Variants in SHISA6 observed in about 807,000 individuals in gnomAD.
SHISA6 encodes shisa family member 6.
SHISA6 carries 22 observed loss-of-function variants against 47.9 expected under a neutral mutation model. That is an observed-to-expected ratio of 0.46 (90% CI 0.33 to 0.66). SHISA6 has a LOEUF of 0.66. Among genes scored for constraint, SHISA6 ranks in the 30% least tolerant of loss-of-function variants. The pLI, the probability that SHISA6 is intolerant of heterozygous loss-of-function variation, is 0.02. For synonymous variants in SHISA6, 388 were observed against 337.8 expected (o/e 1.15, Z -1.63); for missense variants, 680 against 764.6 (o/e 0.89, Z 1.30).
intron 1 of SHISA6, among the ~76,000 whole-genome samples, chr17:11,258,078 A>C (rs1051478863): frequency 4.6e-5 from 7 of 152,258 alleles, no homozygotes; most frequent in African/African-American, 1.7e-4. Context: ...GAGTGTTCTC[A>C]TTAGTCCTTA....
At chr17:11,470,718 T>A (rs1462215622) in intron 3 of SHISA6, among the ~76,000 whole-genome samples, 2 of 47,428 alleles carry the variant, frequency 4.2e-5, no homozygotes, top group Non-Finnish European at 8.9e-5. Flanking sequence ...TGAGGAGGGG[T>A]GGGGGTGGGG....
rs556495653 is a variant in SHISA6 at position 11,537,055 on chromosome 17, C to G, written c.896-14841C>G. On this transcript the variant is annotated intron_variant, in intron 3 of 5. Coordinates refer to ENST00000441885, the MANE Select transcript of SHISA6 (RefSeq NM_207386.4). ...TTTTAAGTGAATCTGGCAGAAGACACATTGTTTCCCTGTGTGGGCATGACA... is the reference window on the plus strand; with the variant it reads ...TTTTAAGTGAATCTGGCAGAAGACAGATTGTTTCCCTGTGTGGGCATGACA... 1.6e-4 allele frequency among the ~76,000 whole-genome samples: 24 copies of G among 151,966 alleles called. 1 individual carries two copies. The East Asian group carries it at 4.6e-3, about 29-fold the overall frequency.
At chr17:11,363,864 C>A (rs1028974274) in intron 2 of SHISA6, among the ~76,000 whole-genome samples, 1 of 152,188 alleles carries the variant, frequency 6.6e-6, no homozygotes, top group South Asian at 2.1e-4. Flanking sequence ...GAGTAGCTTG[C>A]CCCTTAATTT....
intron 1 of SHISA6, 72 bp from the exon 2 acceptor site, chr17:11,263,294 G>C (rs1908306548): frequency 6.7e-7 from 1 of 1,484,256 alleles, no homozygotes; most frequent in African/African-American, 1.4e-5. Context: ...GCATATGAAA[G>C]TAAGCCAACT....
At chr17:11,360,683 G>T (rs1437833798) in intron 2 of SHISA6, among the ~76,000 whole-genome samples, 2 of 151,836 alleles carry the variant, frequency 1.3e-5, no homozygotes, top group African/African-American at 4.8e-5. Context: ...TTATGTATGC[G>T]GGGCTTAAAA....
chr17:11,267,643 A>C (rs1908476082), intron 2 of SHISA6, among the ~76,000 whole-genome samples: 1 of 152,220 alleles, frequency 6.6e-6, no homozygotes, highest in Non-Finnish European at 1.5e-5. Context: ...GAACTGGAGG[A>C]AAGCTGTCAA....
At chr17:11,305,004 C>A (rs1051568976) in intron 2 of SHISA6, among the ~76,000 whole-genome samples, 2 of 152,202 alleles carry the variant, frequency 1.3e-5, no homozygotes, top group Non-Finnish European at 2.9e-5. Context: ...TTCAAAGAGT[C>A]CTTCCACAGT....
At chr17:11,457,747 A>G (rs1915580906) in intron 3 of SHISA6, among the ~76,000 whole-genome samples, 1 of 147,984 alleles carries the variant, frequency 6.8e-6, no homozygotes, top group African/African-American at 2.5e-5. Context: ...TCTCAAAAAA[A>G]AAAAAAAAAG....
intron 3 of SHISA6, among the ~76,000 whole-genome samples, chr17:11,466,635 C>T (rs1333356300): frequency 6.6e-6 from 1 of 152,164 alleles, no homozygotes; most frequent in Non-Finnish European, 1.5e-5. Flanking sequence ...CTCTAGACCC[C>T]CATTCCAGAT....
At chr17:11,506,324 T>C (rs1026801991) in intron 3 of SHISA6, among the ~76,000 whole-genome samples, 2 of 152,192 alleles carry the variant, frequency 1.3e-5, no homozygotes, top group Non-Finnish European at 2.9e-5. Context: ...CCTTAATTAC[T>C]GTCTGCAATT....
At chr17:11,445,834 C>T (rs1373082054) in intron 3 of SHISA6, among the ~76,000 whole-genome samples, 1 of 152,112 alleles carries the variant, frequency 6.6e-6, no homozygotes, top group African/African-American at 2.4e-5. Flanking sequence ...TCCTTTCTTT[C>T]TTTTATTTTT....
chr17:11,355,459 T>C (rs999937830), intron 2 of SHISA6, among the ~76,000 whole-genome samples: 1 of 152,142 alleles, frequency 6.6e-6, no homozygotes, highest in Non-Finnish European at 1.5e-5. Context: ...CAAGAGATTA[T>C]GGGAATAAAT....
intron 3 of SHISA6, among the ~76,000 whole-genome samples, chr17:11,392,105 A>G (rs1009278460): frequency 6.6e-6 from 1 of 152,200 alleles, no homozygotes; most frequent in Non-Finnish European, 1.5e-5. Flanking sequence ...CTCATAAAGT[A>G]TTCATTCCTT....
intron 3 of SHISA6, among the ~76,000 whole-genome samples, chr17:11,454,784 G>A (rs569899047): frequency 2.0e-5 from 3 of 152,148 alleles, no homozygotes; most frequent in East Asian, 3.9e-4. Flanking sequence ...ATTTCTTTCC[G>A]ATTCAAATGG....
intron 3 of SHISA6, among the ~76,000 whole-genome samples, chr17:11,502,113 T>TAAA (rs2071458470): frequency 1.3e-5 from 2 of 151,996 alleles, no homozygotes; most frequent in African/African-American, 2.4e-5. Flanking sequence ...TTGCAGAGGG[T>TAAA]TAAGACTAAA....
At chr17:11,461,443 A>G (rs972183931) in intron 3 of SHISA6, among the ~76,000 whole-genome samples, 1 of 151,412 alleles carries the variant, frequency 6.6e-6, no homozygotes, top group Non-Finnish European at 1.5e-5. Context: ...TGTTTTAATC[A>G]GGTATGGTAA....
At chr17:11,267,768 G>A (rs2142149812) in intron 2 of SHISA6, among the ~76,000 whole-genome samples, 1 of 152,292 alleles carries the variant, frequency 6.6e-6, no homozygotes, top group South Asian at 2.1e-4. Context: ...TCCTTAATGG[G>A]TGGGGCTGAA....
intron 3 of SHISA6, among the ~76,000 whole-genome samples, chr17:11,428,107 C>A (rs1175867251): frequency 6.6e-6 from 1 of 152,214 alleles, no homozygotes; most frequent in Admixed American, 6.5e-5. Context: ...AGACTATGCC[C>A]ATTTTACCCT....
chr17:11,557,924 G>C lies in SHISA6; in HGVS notation c.1276G>C (p.Asp426His). 6.4e-7 allele frequency: 1 copy of C among 1,551,606 alleles called. No homozygotes were observed. The highest frequency in any genetic ancestry group is 8.7e-7 in the Non-Finnish European group (1 of 1,146,996). ...GTCCCAGGACAGGGTCCTGTCCCCG[G>C]ATCGGGGCCTGCCAGATGAGTTCAG... ...AMSQDRVLSP[D>H]RGLPDEFSMP... The change falls in exon 6 of 6, where the codon GAT becomes CAT. Residue 426 changes from aspartate (D) to histidine (H), a missense_variant. Coordinates refer to ENST00000441885, the MANE Select transcript of SHISA6 (RefSeq NM_207386.4).
Sources: gnomAD v4.1 joint callset for allele counts (sites outside exome capture counted in the v4.1 genomes callset) on GRCh38, gnomAD v4.1.1 for gene constraint, MANE v1.5 for transcripts, NCBI Gene and HGNC (gene_info 2026-07-23, HGNC 2026-07-21) for gene names.